The following CELF2 variants were observed in gnomAD, a reference collection of about 807,000 sequenced individuals.
CELF2 encodes the protein CUGBP Elav-like family member 2, also known as CUG triplet repeat RNA-binding protein 2.
Under a neutral mutation model 62.6 loss-of-function variants are expected in CELF2, and 8 were observed. The ratio of observed to expected loss-of-function variants is 0.13; its 90% confidence interval spans 0.07 to 0.23. The LOEUF (loss-of-function observed/expected upper bound fraction) is 0.23, where lower values mean the gene tolerates loss of function less well. CELF2 is among the 10% of genes least tolerant of loss of function. The pLI is 1.00. For synonymous variants in CELF2, 258 were observed against 250.0 expected (o/e 1.03, Z -0.30); for missense variants, 333 against 671.0 (o/e 0.50, Z 5.56).
the CELF2 span, among the ~76,000 whole-genome samples, chr10:10,505,107 T>C: frequency 2.6e-5 from 4 of 152,204 alleles, no homozygotes; most frequent in African/African-American, 9.7e-5. Flanking sequence ...GTTTTTTAAA[T>C]TAAAACCTAG....
chr10:10,875,295 G>T (rs1312921924), intron 1 of CELF2, among the ~76,000 whole-genome samples: 1 of 152,040 alleles, frequency 6.6e-6, no homozygotes, highest in Non-Finnish European at 1.5e-5. Flanking sequence ...TGCTATTTCT[G>T]CTCAGTTCCA....
At position 11,319,155 on chromosome 10, in the gene CELF2, C is replaced by A. The variant is rs1475667352; in HGVS notation, c.1097-2034C>A. On this transcript the variant is annotated intron_variant, in intron 10 of 12. Transcript: ENST00000633077. The surrounding 1 kb of genome is among the most constrained non-coding windows in gnomAD (Gnocchi z 4.4). ...TTCCTCCACACGGGCATCTGCATTT[C>A]CAGAGGACTGTGCCCAGAGTGCGAT... 4 of 467,304 alleles carry A rather than the reference C, an allele frequency of 8.6e-6. No homozygotes were observed. The highest frequency in any genetic ancestry group is 6.0e-5 in the African/African-American group (3 of 49,896). The allele number at this position is 467,304 out of a possible 1,614,324, so 28.9% of individuals were successfully genotyped here. A position where few individuals can be genotyped will look rare whatever the true frequency, so the allele number is the denominator to read the frequency against.
the CELF2 span, among the ~76,000 whole-genome samples, chr10:10,529,456 G>T: frequency 1.3e-5 from 2 of 152,134 alleles, no homozygotes; most frequent in African/African-American, 4.8e-5. Context: ...GGAGGCCAAC[G>T]TGGGCGGATC....
rs1491260291 is a variant in CELF2 at position 11,197,002 on chromosome 10, G to GAAAA, written c.272-20422_272-20421insAAAA. Reference sequence around the variant, plus strand: ...GAGAGAAAGAAAGAAAGGAAGGAAGGAGAAAGAAAGAAAGAAAGAAAGAAA... The same window carrying GAAAA: ...GAGAGAAAGAAAGAAAGGAAGGAAGGAAAAAGAAAGAAAGAAAGAAAGAAAGAAA... On this transcript the variant is annotated intron_variant, in intron 2 of 12. Coordinates refer to ENST00000633077, the MANE Select transcript of CELF2 (RefSeq NM_001326342.2). Among the ~76,000 whole-genome samples, 10 of 13,894 alleles carry GAAAA rather than the reference G, an allele frequency of 7.2e-4. No individual in the cohort carries two copies. In the South Asian group the frequency reaches 0.025, roughly 34 times the overall value. The allele number at this position is 13,894 out of a possible 152,430, so 9.1% of individuals were successfully genotyped here.
chr10:10,689,589 A>C, the CELF2 span, among the ~76,000 whole-genome samples: 31 of 152,350 alleles, frequency 2.0e-4, no homozygotes, highest in African/African-American at 7.0e-4. Flanking sequence ...CAGGCTAAAG[A>C]CATGAACAAG....
chr10:11,144,427 G>T (rs1320263722), intron 1 of CELF2, among the ~76,000 whole-genome samples: 1 of 152,104 alleles, frequency 6.6e-6, no homozygotes, highest in Admixed American at 6.5e-5. Flanking sequence ...ATGCTTCTAC[G>T]CAACAGACTG....
At position 11,255,459 on chromosome 10, in the gene CELF2, G is replaced by A. The variant is rs2078419599; in HGVS notation, c.404-2279G>A. ...CGCACTGTGCACCTTGCCTGGTTAG[G>A]ACCTCTTTGCTCTCCCACCTCCAGT... On this transcript the variant is annotated intron_variant, in intron 4 of 12. Coordinates refer to ENST00000633077, the MANE Select transcript of CELF2 (RefSeq NM_001326342.2). The surrounding 1 kb of genome is among the most constrained non-coding windows in gnomAD (Gnocchi z 5.5). Among the ~76,000 whole-genome samples, 1 of 152,138 alleles carries A rather than the reference G, an allele frequency of 6.6e-6. No homozygotes were observed. Among genetic ancestry groups the A allele is most frequent in the Non-Finnish European group, 1.5e-5 (1 of 68,022 alleles).
chr10:10,937,733 A>G lies in CELF2; in HGVS notation c.89+17734A>G, dbSNP rs142139387. ...TTTTATATTAGTGTTTATTTTACCA[A>G]TGTGAAGTGTTATTTGTGTGAAGTA... On this transcript the variant is annotated intron_variant, in intron 2 of 13. Coordinates refer to the CELF2 transcript ENST00000636488. 6.5e-3 allele frequency among the ~76,000 whole-genome samples: 993 copies of G among 152,198 alleles called. 7 individuals carry two copies. The highest frequency in any genetic ancestry group is 0.022 in the African/African-American group (930 of 41,524).
intron 2 of CELF2, among the ~76,000 whole-genome samples, chr10:10,968,680 G>A (rs2050417814): frequency 6.6e-6 from 1 of 151,772 alleles, no homozygotes; most frequent in Non-Finnish European, 1.5e-5. Context: ...TTAAAATAAT[G>A]TATAGCAAAG....
At chr10:10,992,646 TAGGGTTCAGCCAAAG>T (rs753062817) in intron 2 of CELF2, among the ~76,000 whole-genome samples, 1 of 152,192 alleles carries the variant, frequency 6.6e-6, no homozygotes, top group Non-Finnish European at 1.5e-5. Context: ...GAGGGTGTAT[TAGGGTTCAGCCAAAG>T]AAACAGAACT....
intron 1 of CELF2, among the ~76,000 whole-genome samples, chr10:10,901,193 A>G (rs895754143): frequency 4.6e-5 from 7 of 152,228 alleles, no homozygotes; most frequent in African/African-American, 1.7e-4. Flanking sequence ...TCATGTGGAC[A>G]CAGGACCTAA....
chr10:10,988,711 A>G (rs1290446058), intron 2 of CELF2, among the ~76,000 whole-genome samples: 1 of 152,174 alleles, frequency 6.6e-6, no homozygotes, highest in Non-Finnish European at 1.5e-5. Context: ...AGGCTAAAGA[A>G]ACTCTTAGAA....
chr10:10,935,386 T>C (rs1325276362), intron 2 of CELF2: 3 of 152,214 alleles, frequency 2.0e-5, no homozygotes, highest in Non-Finnish European at 2.9e-5. Flanking sequence ...TGCTTCAGTA[T>C]GGCCTAAGTG....
At chr10:11,272,421 T>G (rs2084159626) in intron 7 of CELF2, among the ~76,000 whole-genome samples, 1 of 152,208 alleles carries the variant, frequency 6.6e-6, no homozygotes, top group Non-Finnish European at 1.5e-5. Flanking sequence ...TACCAGAATT[T>G]TTGTCTGAGG....
At chr10:11,122,378 C>G (rs2057925827) in intron 1 of CELF2, among the ~76,000 whole-genome samples, 1 of 152,184 alleles carries the variant, frequency 6.6e-6, no homozygotes, top group Non-Finnish European at 1.5e-5. Context: ...CCAAGGACAT[C>G]TGCTTTACAT....
At chr10:11,254,892 T>C (rs1449638955) in intron 4 of CELF2, among the ~76,000 whole-genome samples, 1 of 127,792 alleles carries the variant, frequency 7.8e-6, no homozygotes, top group Non-Finnish European at 1.8e-5. Flanking sequence ...TTCCATCCCA[T>C]CTCTCCCCTT....
chr10:10,747,214 C>A, the CELF2 span, among the ~76,000 whole-genome samples: 2 of 152,162 alleles, frequency 1.3e-5, no homozygotes, highest in Admixed American at 6.5e-5. Flanking sequence ...AAGAAATCAT[C>A]CCTACCCACA....
intron 1 of CELF2, among the ~76,000 whole-genome samples, chr10:10,873,389 CAGTATT>C (rs1370416921): frequency 6.6e-6 from 1 of 152,112 alleles, no homozygotes; most frequent in Non-Finnish European, 1.5e-5. Flanking sequence ...CTCGGGGTAA[CAGTATT>C]AGTGATAAAA....
chr10:10,954,222 T>C (rs972507927), intron 2 of CELF2, among the ~76,000 whole-genome samples: 6 of 72,508 alleles, frequency 8.3e-5, no homozygotes, highest in Non-Finnish European at 1.1e-4. Flanking sequence ...TTATTATTAT[T>C]ATTATTATTA....
Sources: allele counts gnomAD v4.1 joint callset (sites outside exome capture counted in the v4.1 genomes callset), GRCh38; gene constraint gnomAD v4.1.1; non-coding constraint Gnocchi (gnomAD v3.1); transcripts MANE v1.5; gene names NCBI Gene and HGNC (gene_info 2026-07-23, HGNC 2026-07-21).